SESTD1: variants seen among roughly 807,000 people sequenced by gnomAD.
SESTD1 encodes the protein SEC14 and spectrin domain containing 1.
Under a neutral mutation model 101.7 loss-of-function variants are expected in SESTD1, and 43 were observed. The ratio of observed to expected loss-of-function variants is 0.42; its 90% CI spans 0.33 to 0.55. SESTD1 has a LOEUF of 0.55. Ranked by LOEUF, SESTD1 falls within the 20% of genes least tolerant of loss-of-function variation. The probability of loss-of-function intolerance (pLI) is 0.07; values close to 1 mark genes in which losing one functional copy is unlikely to be tolerated. For synonymous variants in SESTD1, 283 were observed against 286.8 expected (o/e 0.99, Z 0.13); for missense variants, 647 against 815.1 (o/e 0.79, Z 2.51).
At chr2:179,172,513 T>G (rs1406457571) in intron 4 of SESTD1, among the ~76,000 whole-genome samples, 1 of 152,202 alleles carries the variant, frequency 6.6e-6, no homozygotes, top group Non-Finnish European at 1.5e-5. Flanking sequence ...AGGAATATGT[T>G]TAGCTTAAAC....
intron 6 of SESTD1, among the ~76,000 whole-genome samples, chr2:179,150,290 T>C (rs1021552163): frequency 1.3e-5 from 2 of 151,894 alleles, no homozygotes; most frequent in African/African-American, 4.8e-5. Flanking sequence ...CATTCTCCAA[T>C]AAAATTATTA....
chr2:179,198,191 C>G (rs1182237170), intron 1 of SESTD1, among the ~76,000 whole-genome samples: 1 of 152,094 alleles, frequency 6.6e-6, no homozygotes, highest in Non-Finnish European at 1.5e-5. Flanking sequence ...TTTAAACCAA[C>G]AAAGATCAAA....
intron 1 of SESTD1, among the ~76,000 whole-genome samples, chr2:179,236,850 T>G (rs2047076300): frequency 6.6e-6 from 1 of 151,674 alleles, no homozygotes; most frequent in African/African-American, 2.4e-5. Context: ...CCAAAATAAA[T>G]GTATGTAAAT....
chr2:179,120,297 C>CTAA (rs1314489688), intron 13 of SESTD1, among the ~76,000 whole-genome samples: 2 of 152,010 alleles, frequency 1.3e-5, no homozygotes, highest in African/African-American at 2.4e-5. Flanking sequence ...CAAGAATGGA[C>CTAA]TAATACACTA....
chr2:179,185,677 C>CATTATATAATATAGT (rs2046209222), intron 2 of SESTD1, among the ~76,000 whole-genome samples: 1 of 49,700 alleles, frequency 2.0e-5, no homozygotes, highest in South Asian at 6.6e-4. Flanking sequence ...TATAATATAG[C>CATTATATAATATAGT]ATATTATATA....
chr2:179,259,742 A>T (rs2047454968), intron 1 of SESTD1, among the ~76,000 whole-genome samples: 2 of 152,182 alleles, frequency 1.3e-5, no homozygotes, highest in Admixed American at 1.3e-4. Flanking sequence ...AAGAAAAAAA[A>T]AATTGACTAT....
chr2:179,228,885 A>C (rs2046931206), intron 1 of SESTD1, among the ~76,000 whole-genome samples: 1 of 152,204 alleles, frequency 6.6e-6, no homozygotes, highest in African/African-American at 2.4e-5. Context: ...GGACAGATAG[A>C]TCTAGGGGGA....
Position 179,105,918 on chromosome 2 carries a change from G to A in SESTD1, c.*3981C>T, listed in dbSNP as rs926543221. On this transcript the variant is annotated 3_prime_UTR_variant, in exon 18 of 18. Coordinates refer to ENST00000428443, the MANE Select transcript of SESTD1 (RefSeq NM_178123.5). ...CTCTACAAGTACTGCCATTATTTAT[G>A]CTTCTTAGCTAAACCTAGACTTTTC... 1.3e-5 allele frequency: 2 copies of A among 152,100 alleles called. No individual in the cohort carries two copies. The highest frequency in any genetic ancestry group is 2.9e-5 in the Non-Finnish European group (2 of 68,016). The allele number at this position is 152,100 out of a possible 1,614,324, so 9.4% of individuals were successfully genotyped here.
In SESTD1 at chr2:179,172,195, T is replaced by C; in HGVS notation, c.294A>G (p.Val98=). Residue 98 remains valine, a synonymous_variant, in exon 5 of 18, where the codon GTA becomes GTG. Coordinates refer to ENST00000428443, the MANE Select transcript of SESTD1 (RefSeq NM_178123.5). ...VPAEVSLVCV[V]KPDEFWDKKV... ...TCTTATCCCAGAATTCATCTGGCTT[T>C]ACCACACAAACAAGGGACACCTCAG... 3 of 1,609,404 alleles carry C rather than the reference T, an allele frequency of 1.9e-6. No individual in the cohort carries two copies. The highest frequency in any genetic ancestry group is 2.5e-6 in the Non-Finnish European group (3 of 1,177,052).
chr2:179,123,613 A>C (rs1287928659), intron 12 of SESTD1, 102 bp downstream of exon 12: 2 of 696,520 alleles, frequency 2.9e-6, no homozygotes, highest in African/African-American at 1.8e-5. Context: ...CCTGAAAATA[A>C]TACTAATTAG....
At chr2:179,244,968 A>T (rs901936781) in intron 1 of SESTD1, among the ~76,000 whole-genome samples, 7 of 152,230 alleles carry the variant, frequency 4.6e-5, no homozygotes, top group Non-Finnish European at 7.3e-5. Flanking sequence ...GACTGTAATA[A>T]ATTATGTATA....
chr2:179,246,690 G>C (rs2047236365), intron 1 of SESTD1, among the ~76,000 whole-genome samples: 1 of 152,158 alleles, frequency 6.6e-6, no homozygotes, highest in Admixed American at 6.5e-5. Flanking sequence ...ATCAAACCAA[G>C]ATAGACCTGA....
chr2:179,219,684 G>A (rs1251375323), intron 1 of SESTD1, among the ~76,000 whole-genome samples: 4 of 152,128 alleles, frequency 2.6e-5, no homozygotes. Context: ...TAATAAATTG[G>A]TGAAGCAAGT....
At chr2:179,150,751 C>T (rs1293876682) in intron 6 of SESTD1, among the ~76,000 whole-genome samples, 5 of 151,860 alleles carry the variant, frequency 3.3e-5, no homozygotes, top group African/African-American at 4.8e-5. Context: ...ATCCCGGAGG[C>T]GGAGGTTGCA....
At position 179,203,815 on chromosome 2, in the gene SESTD1, C is replaced by T. The variant is rs187466921; in HGVS notation, c.-25-11949G>A. ...AGTGAAGACAGCCTGAGCCTGCAGT[C>T]CCAGCTACTAAGGAGGCTGTGGTGG... On this transcript the variant is annotated intron_variant, in intron 1 of 17. Coordinates refer to ENST00000428443, the MANE Select transcript of SESTD1 (RefSeq NM_178123.5). Among the ~76,000 whole-genome samples the T allele has an allele frequency of 5.2e-4, 70 of 134,040 alleles. 14 individuals are homozygous for T. Among genetic ancestry groups the T allele is most frequent in the Admixed American group, 1.5e-3 (21 of 13,798 alleles). The allele number at this position is 134,040 out of a possible 152,430, so 87.9% of individuals were successfully genotyped here. A position where few individuals can be genotyped will look rare whatever the true frequency, so the allele number is the denominator to read the frequency against.
At chr2:179,194,430 G>C (rs1447080764) in intron 1 of SESTD1, among the ~76,000 whole-genome samples, 4 of 152,012 alleles carry the variant, frequency 2.6e-5, no homozygotes, top group Admixed American at 6.6e-5. Context: ...TTTCAGTAGG[G>C]GCCCTCCTCA....
At chr2:179,242,599 A>AAACCC (rs2047171229) in intron 1 of SESTD1, among the ~76,000 whole-genome samples, 1 of 152,212 alleles carries the variant, frequency 6.6e-6, no homozygotes, top group African/African-American at 2.4e-5. Flanking sequence ...ACAGCATGGT[A>AAACCC]CTGGTACAAA....
At chr2:179,197,163 A>C (rs1574027802) in intron 1 of SESTD1, among the ~76,000 whole-genome samples, 2 of 152,296 alleles carry the variant, frequency 1.3e-5, no homozygotes, top group African/African-American at 4.8e-5. Context: ...GTGAAGAAAG[A>C]AGAAGCCTCA....
chr2:179,153,157 T>A (rs1407246128), intron 5 of SESTD1, among the ~76,000 whole-genome samples: 2 of 152,200 alleles, frequency 1.3e-5, no homozygotes, highest in Non-Finnish European at 2.9e-5. Context: ...AATAGACATA[T>A]TCCTATTAAA....
Sources: gnomAD v4.1 joint callset for allele counts (sites outside exome capture counted in the v4.1 genomes callset) on GRCh38, gnomAD v4.1.1 for gene constraint, MANE v1.5 for transcripts, NCBI Gene and HGNC (gene_info 2026-07-23, HGNC 2026-07-21) for gene names.